TPMT: variants seen among roughly 807,000 people sequenced by gnomAD.
TPMT encodes S-adenosyl-L-methionine:thiopurine S-methyltransferase.
A neutral mutation model predicts 34.2 loss-of-function variants in TPMT; 18 were observed. The ratio of observed to expected loss-of-function variants is 0.53; its 90% CI spans 0.36 to 0.78. The LOEUF (loss-of-function observed/expected upper bound fraction) is 0.78. TPMT is among the 30% of genes least tolerant of loss of function. The pLI, the probability that TPMT is intolerant of heterozygous loss-of-function variation, is 0.00. For synonymous variants in TPMT, 69 were observed against 92.4 expected, an observed-to-expected ratio of 0.75 and a Z score of 1.45; for missense variants, 265 against 288.1, an observed-to-expected ratio of 0.92 and a Z score of 0.58.
In TPMT at chr6:18,129,145, C is replaced by T. The variant is rs968953223; in HGVS notation, c.*1523G>A. The T allele has an allele frequency of 6.6e-6, 1 of 152,168 alleles. No homozygotes were observed. The highest frequency in any genetic ancestry group is 1.5e-5 in the Non-Finnish European group (1 of 68,064). The allele number at this position is 152,168 out of a possible 1,614,324, so 9.4% of individuals were successfully genotyped here. A position where few individuals can be genotyped will look rare whatever the true frequency, so the allele number is the denominator to read the frequency against. On this transcript the variant is annotated 3_prime_UTR_variant, in exon 9 of 9. Transcript: ENST00000309983. ...AGCTCGGGTTAGTTGTCCATTCAAC[C>T]GGTGATACAGGCAGAGTTGGGGAGT...
At chr6:18,147,695 C>T in intron 3 of TPMT, 128 bp downstream of exon 3, 1 of 823,680 alleles carries the variant, frequency 1.2e-6, no homozygotes, top group South Asian at 1.5e-5. Context: ...ATACCCATCA[C>T]TAATAGAAAA....
Position 18,154,262 on chromosome 6 carries a change from T to A in TPMT, c.-45+771A>T, listed in dbSNP as rs1169502344. Among the ~76,000 whole-genome samples the A allele has an allele frequency of 6.6e-6, 1 of 152,044 alleles. No homozygotes were observed. Among genetic ancestry groups the A allele is most frequent in the Non-Finnish European group, 1.5e-5 (1 of 67,998 alleles). On this transcript the variant is annotated intron_variant, in intron 1 of 8. Transcript: ENST00000309983. The surrounding 1 kb of genome is among the most constrained non-coding windows in gnomAD (Gnocchi z 4.2). ...ACAAAAAAAGTGCACATTACAAGAA[T>A]TAAGGAAGGGAAATTTCACAAAAAT...
Position 18,135,603 on chromosome 6 carries a change from G to A in TPMT, c.495-1714C>T, listed in dbSNP as rs1167716380. Among the ~76,000 whole-genome samples, 3 of 152,180 alleles carry A rather than the reference G, an allele frequency of 2.0e-5. No homozygotes were observed. Among genetic ancestry groups the A allele is most frequent in the Non-Finnish European group, 4.4e-5 (3 of 68,040 alleles). On this transcript the variant is annotated intron_variant, in intron 6 of 8. Coordinates refer to ENST00000309983, the MANE Select transcript of TPMT (RefSeq NM_000367.5). This position sits in a 1 kb window ranked among gnomAD's most constrained non-coding sequence, Gnocchi z 5.0. Reference sequence around the variant, plus strand: ...ATACTAACATAAGGCTGGGCACGGTGACTTACATCTGTAATCCCAGCACTT... The same window carrying A: ...ATACTAACATAAGGCTGGGCACGGTAACTTACATCTGTAATCCCAGCACTT...
chr6:18,138,223 A>G lies in TPMT; in HGVS notation c.494+740T>C, dbSNP rs1048778846. ...AATGGAATAGTAGCTTATACCTTAC[A>G]GAATTAAATGTTAAACCACATGAAA... On this transcript the variant is annotated intron_variant, in intron 6 of 8. Coordinates refer to ENST00000309983, the MANE Select transcript of TPMT (RefSeq NM_000367.5). This position sits in a 1 kb window ranked among gnomAD's most constrained non-coding sequence, Gnocchi z 4.1. Among the ~76,000 whole-genome samples, 7 of 151,838 alleles carry G rather than the reference A, an allele frequency of 4.6e-5. No homozygotes were observed. The East Asian group carries it at 1.4e-3, about 29-fold the overall frequency.
Position 18,150,370 on chromosome 6 carries a change from C to G in TPMT, c.-44-1199G>C, listed in dbSNP as rs1280173547. 2.0e-5 allele frequency among the ~76,000 whole-genome samples: 3 copies of G among 152,182 alleles called. No homozygotes were observed. Among genetic ancestry groups the G allele is most frequent in the Admixed American group, 2.0e-4 (3 of 15,270 alleles). ...ATTATTGTACTTACTCCTAATTCAA[C>G]TCTAAATTCTGCCAATTGTCCCAAT... On this transcript the variant is annotated intron_variant, in intron 1 of 8. Coordinates refer to ENST00000309983, the MANE Select transcript of TPMT (RefSeq NM_000367.5). The surrounding 1 kb of genome is among the most constrained non-coding windows in gnomAD (Gnocchi z 5.3).
Position 18,147,867 on chromosome 6 carries a change from C to T in TPMT, c.189G>A (p.Leu63=). 1.9e-6 allele frequency: 3 copies of T among 1,613,912 alleles called. No homozygotes were observed. Among genetic ancestry groups the T allele is most frequent in the South Asian group, 1.1e-5 (1 of 91,080 alleles). Residue 63 remains leucine (L), a synonymous_variant, in exon 3 of 9, where the codon CTG becomes CTA. Transcript: ENST00000309983. ...TTCCGCAAAGAGGAAAAAATACCCT[C>T]AGTCCACTCTTGCCTTTAAGGAAAG... ...LDTFLKGKSG[L]RVFFPLCGKA...
rs1256124801 is a variant in TPMT, at chr6:18,150,297, T to C, written c.-44-1126A>G. Among the ~76,000 whole-genome samples the C allele has an allele frequency of 6.6e-6, 1 of 152,238 alleles. No individual in the cohort carries two copies. The highest frequency in any genetic ancestry group is 1.5e-5 in the Non-Finnish European group (1 of 68,042). ...CACCTGTTGAGCTATTAGGAGGCTC[T>C]CCAAACCCCATCCTCTTGGGTTTTT... On this transcript the variant is annotated intron_variant, in intron 1 of 8. Coordinates refer to ENST00000309983, the MANE Select transcript of TPMT (RefSeq NM_000367.5). This position sits in a 1 kb window ranked among gnomAD's most constrained non-coding sequence, Gnocchi z 5.3.
intron 4 of TPMT, among the ~76,000 whole-genome samples, chr6:18,142,441 G>A (rs1784161557): frequency 6.6e-6 from 1 of 151,986 alleles, no homozygotes; most frequent in Non-Finnish European, 1.5e-5. Context: ...CAATCACATA[G>A]GATGCCCCGT....
In TPMT at chr6:18,131,233, C is replaced by A. The variant is rs9367980; in HGVS notation, c.626-453G>T. ...AATCAAAACAGAGGAATGCTAAGGG[C>A]AAATTTCCTGAACTCTGAATTGTTA... On this transcript the variant is annotated intron_variant, in intron 8 of 8. Coordinates refer to ENST00000309983, the MANE Select transcript of TPMT (RefSeq NM_000367.5). The surrounding 1 kb of genome is among the most constrained non-coding windows in gnomAD (Gnocchi z 4.3). Among the ~76,000 whole-genome samples the A allele has an allele frequency of 0.61, 92,451 of 152,054 alleles. 29,845 individuals are homozygous for A. The highest frequency in any genetic ancestry group is 0.74 in the East Asian group (3,845 of 5,172).
rs1023843087 is a variant in TPMT at position 18,139,126 on chromosome 6, C to T, written c.420-89G>A. 29 of 1,122,058 alleles carry T rather than the reference C, an allele frequency of 2.6e-5. No individual in the cohort carries two copies. Among genetic ancestry groups the T allele is most frequent in the Non-Finnish European group, 3.6e-5 (26 of 732,220 alleles). The allele number at this position is 1,122,058 out of a possible 1,614,324, so 69.5% of individuals were successfully genotyped here. A position where few individuals can be genotyped will look rare whatever the true frequency, so the allele number is the denominator to read the frequency against. On this transcript the variant is annotated intron_variant, in intron 5 of 8. Transcript: ENST00000309983. The surrounding 1 kb of genome is among the most constrained non-coding windows in gnomAD (Gnocchi z 4.2). ...TCCCCCATGGTGCATGCTGGTACTT[C>T]AACAATCGTCAAGGTATTAGGATCT...
intron 1 of TPMT, among the ~76,000 whole-genome samples, chr6:18,152,614 G>C (rs989832910): frequency 1.3e-5 from 2 of 148,978 alleles, no homozygotes; most frequent in African/African-American, 5.0e-5. Context: ...TTGAGATGGA[G>C]TTTCGCTCTT....
rs1784464625 is a variant in TPMT, at chr6:18,155,052, C to G, written c.-64G>C. ...GCCTACCTCGCTTACAGCTGGTTGC[C>G]GGCCATTGCCTCCGCCACCAATGAC... On this transcript the variant is annotated 5_prime_UTR_variant, in exon 1 of 9. Coordinates refer to ENST00000309983, the MANE Select transcript of TPMT (RefSeq NM_000367.5). The surrounding 1 kb of genome is among the most constrained non-coding windows in gnomAD (Gnocchi z 6.2). The G allele has an allele frequency of 6.5e-6, 1 of 152,844 alleles. No individual in the cohort carries two copies. The highest frequency in any genetic ancestry group is 6.5e-5 in the Admixed American group (1 of 15,284). 9.5% of individuals were successfully genotyped at this position (152,844 alleles called of 1,614,324 possible).
At position 18,150,133 on chromosome 6, in the gene TPMT, C is replaced by T. The variant is rs1784324579; in HGVS notation, c.-44-962G>A. Among the ~76,000 whole-genome samples the T allele has an allele frequency of 6.6e-6, 1 of 152,240 alleles. No individual in the cohort carries two copies. Among genetic ancestry groups the T allele is most frequent in the African/African-American group, 2.4e-5 (1 of 41,446 alleles). ...TCCACTGGCTTCAAGTTGGGGTTCCCACACCCTCCACTTTGGGTTTGCTTA... is the reference window on the plus strand; with the variant it reads ...TCCACTGGCTTCAAGTTGGGGTTCCTACACCCTCCACTTTGGGTTTGCTTA... On this transcript the variant is annotated intron_variant, in intron 1 of 8. Transcript: ENST00000309983. This position sits in a 1 kb window ranked among gnomAD's most constrained non-coding sequence, Gnocchi z 5.3.
At position 18,148,979 on chromosome 6, in the gene TPMT, A is replaced by G; in HGVS notation, c.140+9T>C. ...AACATTTCTCTATTGTATACCAAAT[A>G]TTTCTTACTGATGTCCTTGTTCCTG... On this transcript the variant is annotated intron_variant, in intron 2 of 8. Transcript: ENST00000309983. This position sits in a 1 kb window ranked among gnomAD's most constrained non-coding sequence, Gnocchi z 4.1. 2 of 1,613,106 alleles carry G rather than the reference A, an allele frequency of 1.2e-6. No homozygotes were observed. Among genetic ancestry groups the G allele is most frequent in the Non-Finnish European group, 1.7e-6 (2 of 1,179,888 alleles).
In TPMT at chr6:18,148,004, C is replaced by A; in HGVS notation, c.141-89G>T. 9.7e-7 allele frequency: 1 copy of A among 1,026,168 alleles called. No individual in the cohort carries two copies. 63.6% of individuals were successfully genotyped at this position (1,026,168 alleles called of 1,614,324 possible). A position where few individuals can be genotyped will look rare whatever the true frequency, so the allele number is the denominator to read the frequency against. ...TATCTCACTTAATATTCCCAACAAC[C>A]TTAATAAGCAGTTACTATTAATTAT... On this transcript the variant is annotated intron_variant, in intron 2 of 8. Transcript: ENST00000309983. The surrounding 1 kb of genome is among the most constrained non-coding windows in gnomAD (Gnocchi z 4.1).
chr6:18,143,361 AG>A lies in TPMT; in HGVS notation c.366+234del, dbSNP rs56181652. ...TTAATAAAAATAAAACAAGCCTAAA[AG>A]CTTGAGTACAGAGAGGCTTTGACCT... is the stretch of plus-strand genomic sequence containing the variant. On this transcript the variant is annotated intron_variant, in intron 4 of 8. Transcript: ENST00000309983. The surrounding 1 kb of genome is among the most constrained non-coding windows in gnomAD (Gnocchi z 6.1). Among the ~76,000 whole-genome samples the A allele has an allele frequency of 1.3e-3, 205 of 152,314 alleles. No homozygotes were observed. Among genetic ancestry groups the A allele is most frequent in the Admixed American group, 2.7e-3 (41 of 15,300 alleles).
intron 7 of TPMT, 127 bp downstream of exon 7, chr6:18,133,677 C>T: frequency 2.8e-6 from 2 of 708,380 alleles, no homozygotes; most frequent in Non-Finnish European, 4.9e-6. Context: ...GAATTATCTC[C>T]ATGTATATAT....
At chr6:18,142,034 G>C (rs773161816) in intron 4 of TPMT, among the ~76,000 whole-genome samples, 9 of 152,042 alleles carry the variant, frequency 5.9e-5, no homozygotes, top group Non-Finnish European at 1.3e-4. Context: ...TTCCCAGCAC[G>C]TTATGTAAAC....
chr6:18,133,777 G>GAAAA, intron 7 of TPMT, 27 bp downstream of exon 7: 29 of 1,348,030 alleles, frequency 2.2e-5, no homozygotes, highest in Admixed American at 6.3e-5. Context: ...ACTGGTAAAA[G>GAAAA]AAAAAAAAAA....
Sources: gnomAD v4.1 joint callset for allele counts (sites outside exome capture counted in the v4.1 genomes callset) on GRCh38, gnomAD v4.1.1 for gene constraint, Gnocchi (gnomAD v3.1) non-coding constraint, MANE v1.5 for transcripts, NCBI Gene and HGNC (gene_info 2026-07-23, HGNC 2026-07-21) for gene names.